WWOX: variants seen among roughly 807,000 people sequenced by gnomAD.
The protein encoded by WWOX is WW domain containing oxidoreductase, also known as WW domain-containing oxidoreductase.
Under a neutral mutation model 46.2 loss-of-function variants are expected in WWOX, and 69 were observed. That is an observed-to-expected ratio of 1.49 (90% confidence interval 1.23 to 1.82). The LOEUF is 1.82. WWOX is among the 40% of genes most tolerant of loss of function. The probability of loss-of-function intolerance (pLI) is 0.00; values close to 1 mark genes in which losing one functional copy is unlikely to be tolerated. For synonymous variants in WWOX, 359 were observed against 202.6 expected (o/e 1.77, Z -6.56); for missense variants, 919 against 542.6 (o/e 1.69, Z -6.89).
chr16:78,256,990 C>T (rs2038149297), intron 5 of WWOX, among the ~76,000 whole-genome samples: 1 of 152,092 alleles, frequency 6.6e-6, no homozygotes, highest in Non-Finnish European at 1.5e-5. Flanking sequence ...GAGGCCAAGG[C>T]AGTCTACTCT....
At chr16:78,605,189 G>A (rs1597336793) in intron 8 of WWOX, among the ~76,000 whole-genome samples, 2 of 150,962 alleles carry the variant, frequency 1.3e-5, no homozygotes, top group Middle Eastern at 6.8e-3. Context: ...TCTGTATCCT[G>A]TGAGTTTGCC....
intron 8 of WWOX, among the ~76,000 whole-genome samples, chr16:78,568,345 A>C (rs1032874209): frequency 6.6e-6 from 1 of 151,760 alleles, no homozygotes; most frequent in Non-Finnish European, 1.5e-5. Context: ...AGAAAAATCC[A>C]CCCAGTGCAA....
At chr16:79,173,972 A>C (rs570127917) in intron 8 of WWOX, among the ~76,000 whole-genome samples, 133 of 152,318 alleles carry the variant, frequency 8.7e-4, no homozygotes, top group African/African-American at 2.9e-3. Flanking sequence ...GTCTAACTTA[A>C]AATGCCTCCC....
At chr16:78,893,187 T>G (rs561548598) in intron 8 of WWOX, among the ~76,000 whole-genome samples, 1 of 149,480 alleles carries the variant, frequency 6.7e-6, no homozygotes, top group Non-Finnish European at 1.5e-5. Flanking sequence ...GGAATGACTA[T>G]AGCTAGAAAA....
chr16:78,884,446 T>G (rs981377793), intron 8 of WWOX, among the ~76,000 whole-genome samples: 1 of 152,104 alleles, frequency 6.6e-6, no homozygotes, highest in Non-Finnish European at 1.5e-5. Flanking sequence ...CACCCAGATA[T>G]CTATCAGTGG....
chr16:78,984,365 T>C (rs2046743965), intron 8 of WWOX, among the ~76,000 whole-genome samples: 1 of 152,200 alleles, frequency 6.6e-6, no homozygotes. Flanking sequence ...ATGTTTTCTA[T>C]AGAGGCCCGT....
intron 8 of WWOX, among the ~76,000 whole-genome samples, chr16:78,722,138 C>G (rs1299532877): frequency 1.3e-5 from 2 of 152,104 alleles, no homozygotes; most frequent in Non-Finnish European, 2.9e-5. Context: ...CAAAGGAGAC[C>G]AAGGAAATGA....
At chr16:78,798,379 C>T (rs905374604) in intron 8 of WWOX, among the ~76,000 whole-genome samples, 5 of 152,096 alleles carry the variant, frequency 3.3e-5, no homozygotes, top group African/African-American at 1.2e-4. Context: ...GCTAATAACA[C>T]AACCCAAGGA....
chr16:78,539,064 A>G (rs965031412), intron 8 of WWOX, among the ~76,000 whole-genome samples: 1 of 152,212 alleles, frequency 6.6e-6, no homozygotes, highest in Admixed American at 6.5e-5. Context: ...AGCAGTCACA[A>G]TTTTGTGTTG....
intron 8 of WWOX, among the ~76,000 whole-genome samples, chr16:79,131,004 C>T (rs187737774): frequency 6.6e-6 from 1 of 152,298 alleles, no homozygotes; most frequent in East Asian, 1.9e-4. Flanking sequence ...TTGACATAAT[C>T]CTTTTTTGGA....
At chr16:78,753,910 C>G (rs914524466) in intron 8 of WWOX, among the ~76,000 whole-genome samples, 1 of 136,506 alleles carries the variant, frequency 7.3e-6, no homozygotes, top group Non-Finnish European at 1.5e-5. Flanking sequence ...AGAGGCTATT[C>G]CAAGGTCACA....
chr16:78,862,484 A>T (rs571560357), intron 8 of WWOX, among the ~76,000 whole-genome samples: 1 of 151,934 alleles, frequency 6.6e-6, no homozygotes, highest in South Asian at 2.1e-4. Flanking sequence ...ACAAGTGCAT[A>T]CACACACACA....
intron 8 of WWOX, among the ~76,000 whole-genome samples, chr16:79,210,828 G>A (rs427883): frequency 3.0e-4 from 45 of 152,040 alleles, no homozygotes; most frequent in African/African-American, 1.1e-3. Context: ...AGCCACAGCC[G>A]CAACTGTTAC....
At chr16:78,795,456 C>T (rs183737687) in intron 8 of WWOX, among the ~76,000 whole-genome samples, 41 of 151,936 alleles carry the variant, frequency 2.7e-4, no homozygotes, top group African/African-American at 8.7e-4. Flanking sequence ...TAGTACTTGT[C>T]TTCAACCTCC....
intron 8 of WWOX, among the ~76,000 whole-genome samples, chr16:78,495,398 C>G (rs1225648558): frequency 1.3e-5 from 2 of 151,800 alleles, no homozygotes; most frequent in East Asian, 1.9e-4. Flanking sequence ...GCCTTGGCCT[C>G]CCAAAGTGCT....
At chr16:79,022,380 T>C (rs373009333) in intron 8 of WWOX, among the ~76,000 whole-genome samples, 28 of 151,218 alleles carry the variant, frequency 1.9e-4, no homozygotes, top group East Asian at 9.8e-4. Context: ...CCGCTTGTTA[T>C]CAAGCCTACT....
chr16:79,187,306 G>C (rs906476421), intron 8 of WWOX, among the ~76,000 whole-genome samples: 4 of 152,070 alleles, frequency 2.6e-5, no homozygotes, highest in Non-Finnish European at 5.9e-5. Context: ...AAAGAATATC[G>C]TGGTGCCCCC....
intron 8 of WWOX, among the ~76,000 whole-genome samples, chr16:79,209,198 G>C (rs1036035426): frequency 6.6e-6 from 1 of 152,220 alleles, no homozygotes; most frequent in Non-Finnish European, 1.5e-5. Flanking sequence ...AGGTTGGCAT[G>C]AAATGAAGCC....
At chr16:78,751,949 C>T (rs935573032) in intron 8 of WWOX, among the ~76,000 whole-genome samples, 12 of 152,152 alleles carry the variant, frequency 7.9e-5, no homozygotes, top group Non-Finnish European at 1.6e-4. Flanking sequence ...CTTCTGGTGC[C>T]TCCACGTGGA....
Sources: allele counts gnomAD v4.1 joint callset (sites outside exome capture counted in the v4.1 genomes callset), GRCh38; gene constraint gnomAD v4.1.1; transcripts MANE v1.5; gene names NCBI Gene and HGNC (gene_info 2026-07-23, HGNC 2026-07-21).